CDH1: variants seen among roughly 807,000 people sequenced by gnomAD.
CDH1 encodes cadherin 1, also known as cadherin-1.
In CDH1, 35 loss-of-function variants were observed where a neutral mutation model predicts 84.5. That is an observed-to-expected ratio of 0.41 (90% confidence interval 0.32 to 0.55). CDH1 has a LOEUF of 0.55. CDH1 is among the 20% of genes least tolerant of loss of function. The pLI, the probability that CDH1 is intolerant of heterozygous loss-of-function variation, is 0.19. For synonymous variants in CDH1, 417 were observed against 439.0 expected, an observed-to-expected ratio of 0.95 and a Z score of 0.63; for missense variants, 994 against 1,126.6, an observed-to-expected ratio of 0.88 and a Z score of 1.68.
In CDH1 at chr16:68,834,431, G is replaced by C; in HGVS notation, c.*932G>C. The C allele has an allele frequency of 2.9e-6, 1 of 348,314 alleles. No individual in the cohort carries two copies. 21.6% of individuals were successfully genotyped at this position (348,314 alleles called of 1,614,324 possible). ...GGGGTCTTGCTATGTTGCCCAAGCT[G>C]GTCTTAAACTCCTGGCCTCAAGCAA... On this transcript the variant is annotated 3_prime_UTR_variant, in exon 16 of 16. Coordinates refer to ENST00000261769, the MANE Select transcript of CDH1 (RefSeq NM_004360.5).
At chr16:68,818,743 C>T (rs1338188206) in intron 10 of CDH1, among the ~76,000 whole-genome samples, 2 of 146,108 alleles carry the variant, frequency 1.4e-5, no homozygotes, top group Admixed American at 7.0e-5. Context: ...CCAGCTACTC[C>T]GGAGGCTGAG....
chr16:68,771,876 T>C (rs1003534176), intron 2 of CDH1, among the ~76,000 whole-genome samples: 3 of 152,180 alleles, frequency 2.0e-5, no homozygotes, highest in Non-Finnish European at 1.5e-5. Flanking sequence ...CCACCGTGCC[T>C]AGCCCATTGA....
chr16:68,800,658 ATGG>A (rs1567500622), intron 2 of CDH1, among the ~76,000 whole-genome samples: 2 of 152,166 alleles, frequency 1.3e-5, no homozygotes, highest in Non-Finnish European at 2.9e-5. Flanking sequence ...CCTAGAATGA[ATGG>A]TCTTATCGAC....
chr16:68,778,603 T>C (rs1959794788), intron 2 of CDH1, among the ~76,000 whole-genome samples: 1 of 152,124 alleles, frequency 6.6e-6, no homozygotes, highest in Admixed American at 6.6e-5. Flanking sequence ...CCCTACCTGC[T>C]GAAGGAAATG....
At chr16:68,793,512 G>A (rs1960267622) in intron 2 of CDH1, among the ~76,000 whole-genome samples, 1 of 152,166 alleles carries the variant, frequency 6.6e-6, no homozygotes, top group Admixed American at 6.5e-5. Flanking sequence ...GTGAGTCCTG[G>A]CGGCTAAGTA....
intron 2 of CDH1, among the ~76,000 whole-genome samples, chr16:68,766,029 G>A (rs1478900167): frequency 1.3e-5 from 2 of 152,108 alleles, no homozygotes; most frequent in African/African-American, 4.8e-5. Flanking sequence ...GGAGGCCAAG[G>A]CAGGCGAATC....
intron 2 of CDH1, among the ~76,000 whole-genome samples, chr16:68,739,749 G>A (rs1962509299): frequency 6.6e-6 from 1 of 151,602 alleles, no homozygotes; most frequent in South Asian, 2.1e-4. Flanking sequence ...TGAGTAGCTG[G>A]GATTACAGGT....
chr16:68,803,212 C>T (rs1230261429), intron 3 of CDH1, among the ~76,000 whole-genome samples: 1 of 152,066 alleles, frequency 6.6e-6, no homozygotes, highest in African/African-American at 2.4e-5. Context: ...CTTAATGGTC[C>T]TCCCGATCTG....
chr16:68,737,515 C>CGCCCCAGTCCCGT (rs1962431195), intron 1 of CDH1, 52 bp downstream of exon 1: 2 of 1,351,406 alleles, frequency 1.5e-6, no homozygotes, highest in South Asian at 1.2e-5. Context: ...GCAAGCTCCG[C>CGCCCCAGTCCCGT]GCCCCAGCCC....
At chr16:68,821,913 G>C in intron 11 of CDH1, 88 bp from the exon 12 acceptor site, 1 of 1,062,256 alleles carries the variant, frequency 9.4e-7, no homozygotes, top group Non-Finnish European at 1.5e-6. Context: ...TGAAGAGCCA[G>C]GACAAGATCT....
chr16:68,800,828 A>G (rs564425572), intron 2 of CDH1, among the ~76,000 whole-genome samples: 4 of 152,176 alleles, frequency 2.6e-5, no homozygotes, highest in Non-Finnish European at 5.9e-5. Context: ...CCACTCTTAT[A>G]TCACCCTCTT....
At chr16:68,772,654 G>C (rs770411779) in intron 2 of CDH1, among the ~76,000 whole-genome samples, 1 of 152,120 alleles carries the variant, frequency 6.6e-6, no homozygotes, top group Non-Finnish European at 1.5e-5. Context: ...CCAGACTTAG[G>C]CTGGGCACGG....
Position 68,815,480 on chromosome 16 carries a change from GTTTTGT to G in CDH1, c.1321-30_1321-25del, listed in dbSNP as rs776253567. On this transcript the variant is annotated intron_variant, in intron 9 of 15. Coordinates refer to ENST00000261769, the MANE Select transcript of CDH1 (RefSeq NM_004360.5). ...TATTTTTACTAACACAAAATGTTTC[GTTTTGT>G]TTTTAACTTCATTGTTTCTGCTCTC... 4.1e-5 allele frequency: 66 copies of G among 1,613,398 alleles called. No individual in the cohort carries two copies. The highest frequency in any genetic ancestry group is 5.3e-5 in the Non-Finnish European group (62 of 1,179,782).
intron 2 of CDH1, among the ~76,000 whole-genome samples, chr16:68,776,831 T>G (rs541882866): frequency 1.9e-4 from 29 of 152,346 alleles, no homozygotes; most frequent in African/African-American, 7.0e-4. Flanking sequence ...CTTTACATTA[T>G]ATACTTTCTC....
chr16:68,825,952 G>C (rs7184328), intron 13 of CDH1, among the ~76,000 whole-genome samples: 4,352 of 151,746 alleles, frequency 0.029, 114 homozygotes, highest in Middle Eastern at 0.12. Context: ...GGGTGGCTGG[G>C]ACCACAGGCA....
intron 2 of CDH1, among the ~76,000 whole-genome samples, chr16:68,745,001 C>T (rs1156444474): frequency 1.3e-5 from 2 of 152,062 alleles, no homozygotes; most frequent in South Asian, 2.1e-4. Flanking sequence ...AAGAAACTGG[C>T]GTTTTTTTGC....
intron 15 of CDH1, 61 bp downstream of exon 15, chr16:68,829,858 TC>T: frequency 6.5e-7 from 1 of 1,546,788 alleles, no homozygotes. Context: ...AGGAGTTGTG[TC>T]AAAAATGAGA....
intron 2 of CDH1, among the ~76,000 whole-genome samples, chr16:68,763,888 G>C (rs1959294977): frequency 6.6e-6 from 1 of 152,176 alleles, no homozygotes; most frequent in Admixed American, 6.5e-5. Flanking sequence ...TTTAAAATAA[G>C]CCCATCCTGT....
At chr16:68,814,801 G>A (rs914511725) in intron 9 of CDH1, among the ~76,000 whole-genome samples, 1 of 151,674 alleles carries the variant, frequency 6.6e-6, no homozygotes, top group Non-Finnish European at 1.5e-5. Flanking sequence ...ATGGCGGTGG[G>A]CCCAACTACT....
Sources: allele counts gnomAD v4.1 joint callset (sites outside exome capture counted in the v4.1 genomes callset), GRCh38; gene constraint gnomAD v4.1.1; transcripts MANE v1.5; gene names NCBI Gene and HGNC (gene_info 2026-07-23, HGNC 2026-07-21).